The following GMDS variants were observed in gnomAD, a reference collection of about 807,000 sequenced individuals.
GMDS encodes the protein GDP-mannose 4,6 dehydratase.
A neutral mutation model predicts 49.9 loss-of-function variants in GMDS; 20 were observed. The ratio of observed to expected loss-of-function variants is 0.40; its 90% confidence interval spans 0.28 to 0.58. GMDS has a LOEUF of 0.58. Ranked by LOEUF, GMDS falls within the 20% of genes least tolerant of loss-of-function variation. The pLI is 0.42. For synonymous variants in GMDS, 177 were observed against 178.6 expected, an observed-to-expected ratio of 0.99 and a Z score of 0.07; for missense variants, 362 against 481.4, an observed-to-expected ratio of 0.75 and a Z score of 2.32.
rs569404914 is a variant in GMDS at position 1,690,051 on chromosome 6, A to C, written c.987+36365T>G. ...ACCCGGGAGGCAGAGGCTGTAGTGA[A>C]CCGAGATCGCATCACTGCACTCCAG... On this transcript the variant is annotated intron_variant, in intron 9 of 10. Transcript: ENST00000380815. 3.3e-5 allele frequency among the ~76,000 whole-genome samples: 5 copies of C among 152,246 alleles called. No individual in the cohort carries two copies. In the East Asian group the frequency reaches 7.7e-4, roughly 24 times the overall value.
rs1257672791 is a variant in GMDS at position 1,766,979 on chromosome 6, C to T, written c.772-24393G>A. On this transcript the variant is annotated intron_variant, in intron 7 of 10. Coordinates refer to ENST00000380815, the MANE Select transcript of GMDS (RefSeq NM_001500.4). The surrounding 1 kb of genome is among the most constrained non-coding windows in gnomAD (Gnocchi z 4.5). ...TAAAATCGAGCAGGGATCCCCAAAC[C>T]TTCCTCTCACACCACAGCTGTAGGG... 1.3e-5 allele frequency among the ~76,000 whole-genome samples: 2 copies of T among 152,182 alleles called. No individual in the cohort carries two copies.
At chr6:1,779,109 C>T (rs1180938675) in intron 7 of GMDS, among the ~76,000 whole-genome samples, 1 of 152,104 alleles carries the variant, frequency 6.6e-6, no homozygotes, top group East Asian at 1.9e-4. Context: ...ATGTGATCAC[C>T]ACCGTCCACA....
chr6:1,636,607 C>A (rs1763156355), intron 9 of GMDS, among the ~76,000 whole-genome samples: 1 of 152,172 alleles, frequency 6.6e-6, no homozygotes, highest in Non-Finnish European at 1.5e-5. Flanking sequence ...TGATGCGGCC[C>A]CCATGGAGGA....
intron 6 of GMDS, among the ~76,000 whole-genome samples, chr6:1,945,311 G>A (rs1179912000): frequency 1.3e-5 from 2 of 151,956 alleles, no homozygotes; most frequent in African/African-American, 4.8e-5. Context: ...TGGGCATGCA[G>A]GAGGCAATAG....
chr6:2,007,185 T>C (rs1362738250), intron 4 of GMDS, among the ~76,000 whole-genome samples: 1 of 152,322 alleles, frequency 6.6e-6, no homozygotes, highest in Middle Eastern at 3.4e-3. Context: ...CCTCAGATTC[T>C]GTCAGGCATG....
chr6:2,112,373 A>G (rs191371950), intron 4 of GMDS, among the ~76,000 whole-genome samples: 149 of 152,332 alleles, frequency 9.8e-4, no homozygotes, highest in Non-Finnish European at 1.6e-3. Flanking sequence ...AGGTCTAAGA[A>G]GAAAGCATTT....
chr6:2,194,386 C>G (rs1028967222), intron 1 of GMDS, among the ~76,000 whole-genome samples: 2 of 152,178 alleles, frequency 1.3e-5, no homozygotes, highest in Non-Finnish European at 2.9e-5. Context: ...AAATATGCTT[C>G]ATGATTCTTA....
chr6:1,747,974 CCAAAAATA>C (rs1387460576), intron 7 of GMDS, among the ~76,000 whole-genome samples: 5 of 152,078 alleles, frequency 3.3e-5, no homozygotes, highest in Non-Finnish European at 7.4e-5. Context: ...AATCAAAGGA[CCAAAAATA>C]AAAGAACACA....
At chr6:1,825,255 C>T (rs1192273691) in intron 7 of GMDS, among the ~76,000 whole-genome samples, 1 of 152,176 alleles carries the variant, frequency 6.6e-6, no homozygotes, top group Non-Finnish European at 1.5e-5. Context: ...AACATCATGA[C>T]TCTTGGGAGA....
At chr6:1,960,719 C>T in intron 5 of GMDS, 55 bp downstream of exon 5, 2 of 1,185,394 alleles carry the variant, frequency 1.7e-6, no homozygotes, top group East Asian at 4.7e-5. Flanking sequence ...ACACACACCC[C>T]CCACACCCAC....
intron 6 of GMDS, among the ~76,000 whole-genome samples, chr6:1,942,196 C>T (rs936204147): frequency 9.8e-5 from 15 of 152,356 alleles, no homozygotes; most frequent in African/African-American, 3.4e-4. Flanking sequence ...AATGGTCTCA[C>T]CCTGCACCCA....
chr6:1,671,050 G>C (rs1029167870), intron 9 of GMDS, among the ~76,000 whole-genome samples: 1 of 152,064 alleles, frequency 6.6e-6, no homozygotes, highest in Non-Finnish European at 1.5e-5. Flanking sequence ...CGACTGTGGG[G>C]GCCTTCAGAA....
At chr6:2,099,008 TA>T (rs1374220964) in intron 4 of GMDS, among the ~76,000 whole-genome samples, 1 of 152,152 alleles carries the variant, frequency 6.6e-6, no homozygotes, top group African/African-American at 2.4e-5. Flanking sequence ...TTTTTTCTGC[TA>T]TAGGTGGAAT....
intron 1 of GMDS, among the ~76,000 whole-genome samples, chr6:2,215,274 C>A (rs565221943): frequency 1.3e-5 from 2 of 151,946 alleles, no homozygotes; most frequent in Non-Finnish European, 2.9e-5. Context: ...GTTATTAGTC[C>A]GTTTTCAAGC....
At chr6:1,902,038 G>C (rs987053356) in intron 7 of GMDS, among the ~76,000 whole-genome samples, 3 of 152,204 alleles carry the variant, frequency 2.0e-5, no homozygotes, top group African/African-American at 7.2e-5. Context: ...TAATGGATGC[G>C]AAAATCTGGG....
At chr6:2,190,179 A>T (rs1401713263) in intron 1 of GMDS, among the ~76,000 whole-genome samples, 2 of 152,210 alleles carry the variant, frequency 1.3e-5, no homozygotes, top group African/African-American at 4.8e-5. Context: ...GGGAAAAAAG[A>T]GCAAATGTGG....
At chr6:1,965,046 C>T (rs896720942) in intron 4 of GMDS, among the ~76,000 whole-genome samples, 2 of 129,982 alleles carry the variant, frequency 1.5e-5, no homozygotes, top group Non-Finnish European at 3.3e-5. Flanking sequence ...GTATATGTGC[C>T]ACATTTTCTT....
At chr6:1,773,445 G>C (rs534159619) in intron 7 of GMDS, among the ~76,000 whole-genome samples, 1 of 152,108 alleles carries the variant, frequency 6.6e-6, no homozygotes, top group Non-Finnish European at 1.5e-5. Context: ...GTGCTAAATC[G>C]TTTCACAAAG....
chr6:1,740,403 A>G (rs185388325), intron 8 of GMDS, among the ~76,000 whole-genome samples: 1,548 of 152,214 alleles, frequency 0.01, 20 homozygotes, highest in African/African-American at 0.034. Flanking sequence ...CTAAAAATAC[A>G]AAAATTAGAT....
Sources: gnomAD v4.1 joint callset for allele counts (sites outside exome capture counted in the v4.1 genomes callset) on GRCh38, gnomAD v4.1.1 for gene constraint, Gnocchi (gnomAD v3.1) non-coding constraint, MANE v1.5 for transcripts, NCBI Gene and HGNC (gene_info 2026-07-23, HGNC 2026-07-21) for gene names.